NSD2: variants seen among roughly 807,000 people sequenced by gnomAD.
The protein encoded by NSD2 is nuclear receptor binding SET domain protein 2.
Under a neutral mutation model 139.0 loss-of-function variants are expected in NSD2, and 12 were observed. That is an observed-to-expected ratio of 0.09 (90% confidence interval 0.06 to 0.14). The LOEUF is 0.14. Among genes scored for constraint, NSD2 ranks in the 10% least tolerant of loss-of-function variants. The probability of loss-of-function intolerance (pLI) is 1.00; values close to 1 mark genes in which losing one functional copy is unlikely to be tolerated. For synonymous variants in NSD2, 669 were observed against 648.7 expected (o/e 1.03, Z -0.48); for missense variants, 1,155 against 1,745.0 (o/e 0.66, Z 6.02).
At position 1,904,254 on chromosome 4, in the gene NSD2, A is replaced by G; in HGVS notation, c.636A>G (p.Arg212=). 6.2e-7 allele frequency: 1 copy of G among 1,614,176 alleles called. No individual in the cohort carries two copies. Among genetic ancestry groups the G allele is most frequent in the Non-Finnish European group, 8.5e-7 (1 of 1,180,024 alleles). Reference sequence around the variant, plus strand: ...AAGAGTCTTGTCCAAACACTGGAAGAGACAAAGACCACCTGTTGAAATACA... The same window carrying G: ...AAGAGTCTTGTCCAAACACTGGAAGGGACAAAGACCACCTGTTGAAATACA... ...AKKESCPNTG[R]DKDHLLKYNV... The change falls in exon 3 of 22, where the codon AGA becomes AGG. Residue 212 remains arginine, a synonymous_variant. Transcript: ENST00000508803.
intron 9 of NSD2, chr4:1,945,101 T>G: frequency 9.4e-7 from 1 of 1,066,500 alleles, no homozygotes; most frequent in South Asian, 4.6e-5. Flanking sequence ...GGAGTGGTGC[T>G]TAGAGGATCT....
chr4:1,899,285 G>C (rs1039318576), intron 1 of NSD2: 2 of 152,204 alleles, frequency 1.3e-5, no homozygotes, highest in Non-Finnish European at 2.9e-5. Context: ...CTGCACGTCA[G>C]GTGTCCTCCA....
At chr4:1,883,413 C>T (rs1266015431) in intron 1 of NSD2, among the ~76,000 whole-genome samples, 1 of 152,030 alleles carries the variant, frequency 6.6e-6, no homozygotes, top group Non-Finnish European at 1.5e-5. Context: ...AAGCAGATCA[C>T]TTGAGGCCAG....
In NSD2 at chr4:1,961,139, C is replaced by T. The variant is rs554575731; in HGVS notation, c.3360C>T (p.Leu1120=). 1 of 1,610,500 alleles carries T rather than the reference C, an allele frequency of 6.2e-7. No homozygotes were observed. The highest frequency in any genetic ancestry group is 1.1e-5 in the South Asian group (1 of 90,840). The stretch of plus-strand genomic sequence containing the variant: ...ACGACATCACCCACTTCTACATGCT[C>T]ACTATAGACAAGGTAATGCGGAACT... ...HENDITHFYM[L]TIDKDRIIDA... The change falls in exon 18 of 22, where the codon CTC becomes CTT. Residue 1120 remains leucine (L), a synonymous_variant. Coordinates refer to ENST00000508803, the MANE Select transcript of NSD2 (RefSeq NM_001042424.3).
At chr4:1,917,557 C>T (rs976415660) in intron 4 of NSD2, among the ~76,000 whole-genome samples, 1 of 152,106 alleles carries the variant, frequency 6.6e-6, no homozygotes, top group Non-Finnish European at 1.5e-5. Context: ...CTGCCTCAGC[C>T]TCCCAAGTAG....
chr4:1,933,483 G>A (rs563848588), intron 6 of NSD2, among the ~76,000 whole-genome samples: 23 of 152,302 alleles, frequency 1.5e-4, no homozygotes, highest in Middle Eastern at 3.4e-3. Flanking sequence ...TCCGCCTGGC[G>A]GGTTCATGCC....
intron 9 of NSD2, chr4:1,940,368 A>G: frequency 9.4e-7 from 1 of 1,066,920 alleles, no homozygotes; most frequent in Non-Finnish European, 1.1e-6. Context: ...CTGGACTTGC[A>G]GAGTACATGA....
chr4:1,930,949 G>T (rs1444333700), intron 6 of NSD2, among the ~76,000 whole-genome samples, 179 bp downstream of exon 6: 1 of 152,092 alleles, frequency 6.6e-6, no homozygotes, highest in Non-Finnish European at 1.5e-5. Context: ...TGCCATCTGC[G>T]TTTACTGGCT....
intron 18 of NSD2, among the ~76,000 whole-genome samples, chr4:1,965,077 C>CAAAA (rs1725751239): frequency 1.2e-5 from 1 of 80,652 alleles, no homozygotes; most frequent in Non-Finnish European, 2.9e-5. Flanking sequence ...AAAAAAAAAG[C>CAAAA]CTACAAAGAG....
intron 18 of NSD2, among the ~76,000 whole-genome samples, chr4:1,964,507 C>T (rs73796671): frequency 0.063 from 9,558 of 152,252 alleles, 1,033 homozygotes; most frequent in African/African-American, 0.22. Flanking sequence ...TGGAGCACCT[C>T]GCACACAGCT....
chr4:1,916,504 C>T (rs1004712808), intron 3 of NSD2, among the ~76,000 whole-genome samples: 1 of 152,054 alleles, frequency 6.6e-6, no homozygotes, highest in African/African-American at 2.4e-5. Context: ...CACCACCACA[C>T]CCGGCTAATT....
intron 6 of NSD2, among the ~76,000 whole-genome samples, chr4:1,934,871 AAAAAAAAATATATATATAT>A (rs1280935146): frequency 2.9e-5 from 3 of 102,364 alleles, no homozygotes; most frequent in African/African-American, 1.3e-4. Flanking sequence ...AAAAAAAAAA[AAAAAAAAATATATATATAT>A]ATATATATAT....
intron 7 of NSD2, 33 bp from the exon 8 acceptor site, chr4:1,938,412 CTTTCTT>C (rs1722692771): frequency 1.9e-5 from 12 of 635,566 alleles, no homozygotes; most frequent in South Asian, 7.1e-5. Context: ...TTTTTTTTTT[CTTTCTT>C]TTTTTTTTTT....
chr4:1,872,629 A>AGAGAGAGAGCGAGAGC (rs1553856461), intron 1 of NSD2, among the ~76,000 whole-genome samples: 1 of 142,598 alleles, frequency 7.0e-6, no homozygotes, highest in African/African-American at 2.6e-5. Context: ...AGAGAGAGAG[A>AGAGAGAGAGCGAGAGC]GAGAGAGCGC....
rs537133835 is a variant in NSD2, at chr4:1,946,260, T to TATTA, written c.1882-4809_1882-4808insAATT. The TATTA allele has an allele frequency of 1.4e-4, 123 of 898,706 alleles. 2 individuals carry two copies. The South Asian group carries it at 5.4e-3, about 39-fold the overall frequency. 55.7% of individuals were successfully genotyped at this position (898,706 alleles called of 1,614,324 possible). A position where few individuals can be genotyped will look rare whatever the true frequency, so the allele number is the denominator to read the frequency against. On this transcript the variant is annotated intron_variant, in intron 9 of 21. Coordinates refer to ENST00000508803, the MANE Select transcript of NSD2 (RefSeq NM_001042424.3). ...TTTGGGGGGTCTTGCATTTATTTATTATTTATTTATTTATTTATTTAGAGA... is the reference window on the plus strand; with the variant it reads ...TTTGGGGGGTCTTGCATTTATTTATTATTAATTTATTTATTTATTTATTTAGAGA...
Position 1,976,342 on chromosome 4 carries a change from CCT to C in NSD2, c.3622-129_3622-128del. 1.1e-6 allele frequency: 1 copy of C among 945,624 alleles called. No individual in the cohort carries two copies. Among genetic ancestry groups the C allele is most frequent in the South Asian group, 1.6e-5 (1 of 60,740 alleles). The allele number at this position is 945,624 out of a possible 1,614,324, so 58.6% of individuals were successfully genotyped here. On this transcript the variant is annotated intron_variant, in intron 20 of 21. Coordinates refer to ENST00000508803, the MANE Select transcript of NSD2 (RefSeq NM_001042424.3). The surrounding 1 kb of genome is among the most constrained non-coding windows in gnomAD (Gnocchi z 5.3). ...GTCTGGGGAGCACGAGGAGGACACTCCTCTCCTCTCCTCTTAGTGTTGGGCAC... is the reference window on the plus strand; with the variant it reads ...GTCTGGGGAGCACGAGGAGGACACTCCTCCTCTCCTCTTAGTGTTGGGCAC...
Position 1,981,186 on chromosome 4 carries a change from AAT to A in NSD2, c.*2280_*2281del, listed in dbSNP as rs1192911994. The A allele has an allele frequency of 3.0e-5, 7 of 233,198 alleles. No homozygotes were observed. The highest frequency in any genetic ancestry group is 1.1e-4 in the African/African-American group (5 of 45,354). The allele number at this position is 233,198 out of a possible 1,614,324, so 14.4% of individuals were successfully genotyped here. A position where few individuals can be genotyped will look rare whatever the true frequency, so the allele number is the denominator to read the frequency against. On this transcript the variant is annotated 3_prime_UTR_variant, in exon 22 of 22. Transcript: ENST00000508803. ...TGAAGGAAATAATGCAAACATTTTAAATATGTTTCTCCCCCTTTCCAAAAACT... is the reference window on the plus strand; with the variant it reads ...TGAAGGAAATAATGCAAACATTTTAAATGTTTCTCCCCCTTTCCAAAAACT...
In NSD2 at chr4:1,930,780, G is replaced by A. The variant is rs1432507140; in HGVS notation, c.1555+10G>A. 1.2e-6 allele frequency: 2 copies of A among 1,610,668 alleles called. No individual in the cohort carries two copies. Among genetic ancestry groups the A allele is most frequent in the Non-Finnish European group, 1.7e-6 (2 of 1,178,440 alleles). ...GCTGAAGAAGACTCTGGTAAACATAGCATTATGCTGATGTCCTCTGCTTGG... is the reference window on the plus strand; with the variant it reads ...GCTGAAGAAGACTCTGGTAAACATAACATTATGCTGATGTCCTCTGCTTGG... On this transcript the variant is annotated intron_variant, in intron 6 of 21. Transcript: ENST00000508803.
chr4:1,938,387 C>G, intron 7 of NSD2, 64 bp from the exon 8 acceptor site: 43 of 1,092,242 alleles, frequency 3.9e-5, no homozygotes, highest in East Asian at 6.8e-5. Context: ...CTTTTTTTTT[C>G]CTTTTTTTCT....
Sources: gnomAD v4.1 joint callset for allele counts (sites outside exome capture counted in the v4.1 genomes callset) on GRCh38, gnomAD v4.1.1 for gene constraint, Gnocchi (gnomAD v3.1) non-coding constraint, MANE v1.5 for transcripts, NCBI Gene and HGNC (gene_info 2026-07-23, HGNC 2026-07-21) for gene names.